Variants in TRABD2B observed in about 807,000 individuals in gnomAD.
TRABD2B encodes the protein TraB domain containing 2B, also known as metalloprotease TIKI2.
Under a neutral mutation model 40.1 loss-of-function variants are expected in TRABD2B, and 14 were observed. The ratio of observed to expected loss-of-function variants is 0.35; its 90% CI spans 0.23 to 0.55. The LOEUF is 0.55. Ranked by LOEUF, TRABD2B falls within the 20% of genes least tolerant of loss-of-function variation. The probability of loss-of-function intolerance (pLI) is 0.90; values close to 1 mark genes in which losing one functional copy is unlikely to be tolerated. For missense variants in TRABD2B, 541 were observed against 648.6 expected (o/e 0.83, Z 1.80); for synonymous variants, 263 against 277.0 (o/e 0.95, Z 0.50).
chr1:47,994,568 C>G lies in TRABD2B; in HGVS notation c.132G>C (p.Thr44=). 1 of 1,535,814 alleles carries G rather than the reference C, an allele frequency of 6.5e-7. No individual in the cohort carries two copies. ...SQRDLNSFLW[T]IRRDPPAYLF... is the part of the protein sequence containing the mutation. ...GGTAGGCCGGAGGATCACGCCGAAT[C>G]GTCCACAGGAAGGAGTTCAAGTCCC... The change falls in exon 2 of 7, where the codon ACG becomes ACC. Residue 44 remains threonine, a synonymous_variant. Transcript: ENST00000606738. This position sits in a 1 kb window ranked among gnomAD's most constrained non-coding sequence, Gnocchi z 6.7.
intron 2 of TRABD2B, among the ~76,000 whole-genome samples, chr1:47,852,623 C>T (rs1643826560): frequency 6.6e-6 from 1 of 152,180 alleles, no homozygotes; most frequent in South Asian, 2.1e-4. Flanking sequence ...GCTGTGATTG[C>T]CCGAGCTCCC....
At position 47,835,872 on chromosome 1, in the gene TRABD2B, A is replaced by G. The variant is rs147771068; in HGVS notation, c.667-34253T>C. ...AACTATGTAGGTAAGTATAAAAGACAGTACAAATGAAAAATGAATTTTGAA... is the reference window on the plus strand; with the variant it reads ...AACTATGTAGGTAAGTATAAAAGACGGTACAAATGAAAAATGAATTTTGAA... On this transcript the variant is annotated intron_variant, in intron 2 of 6. Coordinates refer to ENST00000606738, the MANE Select transcript of TRABD2B (RefSeq NM_001194986.2). Among the ~76,000 whole-genome samples the G allele has an allele frequency of 2.1e-3, 324 of 152,330 alleles. 1 individual carries two copies. Among genetic ancestry groups the G allele is most frequent in the African/African-American group, 7.5e-3 (311 of 41,576 alleles).
rs3035710 is a variant in TRABD2B at position 47,834,579 on chromosome 1, G to GCACA, written c.667-32964_667-32961dup. Among the ~76,000 whole-genome samples the GCACA allele has an allele frequency of 8.7e-4, 130 of 148,928 alleles. 1 individual carries two copies. The highest frequency in any genetic ancestry group is 3.0e-3 in the African/African-American group (122 of 40,622). On this transcript the variant is annotated intron_variant, in intron 2 of 6. Transcript: ENST00000606738. ...TGTGCTCCAACACACACACACACGC[G>GCACA]CACACACACACACACACACACACAG...
rs139560861 is a variant in TRABD2B, at chr1:47,773,656, A to G, written c.1349+1514T>C. Among the ~76,000 whole-genome samples the G allele has an allele frequency of 9.9e-5, 15 of 152,164 alleles. No homozygotes were observed. The East Asian group carries it at 1.5e-3, about 16-fold the overall frequency. On this transcript the variant is annotated intron_variant, in intron 6 of 6. Transcript: ENST00000606738. ...TTGCTCCTCCTTGCCTTCTTTCATG[A>G]TTGTGAGGCTTCCTCAGCCATGTGG...
chr1:47,973,276 G>A (rs1645707227), intron 2 of TRABD2B, among the ~76,000 whole-genome samples: 1 of 152,204 alleles, frequency 6.6e-6, no homozygotes, highest in Non-Finnish European at 1.5e-5. Context: ...GGCAACTGGT[G>A]TGCACTTTAC....
intron 2 of TRABD2B, among the ~76,000 whole-genome samples, chr1:47,831,073 G>GT (rs4031117): frequency 6.6e-6 from 1 of 152,036 alleles, no homozygotes; most frequent in Non-Finnish European, 1.5e-5. Context: ...GTCCTTGGTT[G>GT]CCACGTGTCC....
intron 2 of TRABD2B, among the ~76,000 whole-genome samples, chr1:47,980,033 C>T (rs1645818235): frequency 6.6e-6 from 1 of 152,100 alleles, no homozygotes; most frequent in Admixed American, 6.5e-5. Flanking sequence ...GGGTCAGTGG[C>T]CCCCCAGTGC....
intron 2 of TRABD2B, among the ~76,000 whole-genome samples, chr1:47,872,494 C>T (rs1283741899): frequency 1.3e-5 from 2 of 152,154 alleles, no homozygotes; most frequent in South Asian, 4.1e-4. Context: ...AGCCTGGGGT[C>T]CCAACTCCCA....
chr1:47,816,360 C>G (rs1001060671), intron 2 of TRABD2B, among the ~76,000 whole-genome samples: 1 of 152,158 alleles, frequency 6.6e-6, no homozygotes, highest in South Asian at 2.1e-4. Context: ...CTGGGAATAA[C>G]CATGAACTTC....
chr1:47,914,411 C>T (rs985051641), intron 2 of TRABD2B, among the ~76,000 whole-genome samples: 1 of 152,234 alleles, frequency 6.6e-6, no homozygotes, highest in Non-Finnish European at 1.5e-5. Context: ...GGACAGATTC[C>T]GCGGTGCCCG....
At chr1:47,797,646 G>A (rs1426926925) in intron 3 of TRABD2B, among the ~76,000 whole-genome samples, 2 of 152,066 alleles carry the variant, frequency 1.3e-5, no homozygotes, top group African/African-American at 4.8e-5. Context: ...TCCAGGGGCT[G>A]GCCAGCCGCT....
intron 4 of TRABD2B, among the ~76,000 whole-genome samples, chr1:47,790,907 T>C (rs1644662543): frequency 6.6e-6 from 1 of 152,200 alleles, no homozygotes; most frequent in Admixed American, 6.5e-5. Flanking sequence ...ATGAGGCAGA[T>C]GTATTGTCCC....
chr1:47,915,452 CATGTGTAT>C (rs1644818307), intron 2 of TRABD2B, among the ~76,000 whole-genome samples: 2 of 152,330 alleles, frequency 1.3e-5, no homozygotes, highest in South Asian at 4.1e-4. Flanking sequence ...TTACCATTTG[CATGTGTAT>C]ACGCTGCCTG....
chr1:47,932,252 G>A (rs1645049085), intron 2 of TRABD2B, among the ~76,000 whole-genome samples: 1 of 152,158 alleles, frequency 6.6e-6, no homozygotes, highest in Non-Finnish European at 1.5e-5. Flanking sequence ...ATGCCAACAT[G>A]GATTCAAGGC....
intron 2 of TRABD2B, among the ~76,000 whole-genome samples, chr1:47,859,324 C>T (rs975125486): frequency 3.5e-4 from 53 of 152,178 alleles, no homozygotes; most frequent in Middle Eastern, 3.2e-3. Flanking sequence ...GGCTGGGAAA[C>T]GGATAGGGCT....
chr1:47,896,337 G>A (rs756125815), intron 2 of TRABD2B, among the ~76,000 whole-genome samples: 14 of 152,142 alleles, frequency 9.2e-5, no homozygotes, highest in Non-Finnish European at 1.5e-4. Context: ...GGGAGGCAGG[G>A]ATGGGGCTGT....
intron 2 of TRABD2B, among the ~76,000 whole-genome samples, chr1:47,808,814 C>T (rs915672262): frequency 1.3e-4 from 20 of 152,124 alleles, no homozygotes; most frequent in Admixed American, 1.2e-3. Context: ...GCCACCTCCA[C>T]CCAACCAGCT....
chr1:47,872,226 T>C (rs1049055150), intron 2 of TRABD2B, among the ~76,000 whole-genome samples: 3 of 152,188 alleles, frequency 2.0e-5, no homozygotes, highest in African/African-American at 7.2e-5. Context: ...CCAGTCCCTC[T>C]GGACCTGTGT....
At chr1:47,967,858 T>A (rs1471452355) in intron 2 of TRABD2B, among the ~76,000 whole-genome samples, 1 of 152,258 alleles carries the variant, frequency 6.6e-6, no homozygotes, top group Admixed American at 6.5e-5. Flanking sequence ...AAACTTTTCA[T>A]CCAACATGGT....
Sources: gnomAD v4.1 joint callset for allele counts (sites outside exome capture counted in the v4.1 genomes callset) on GRCh38, gnomAD v4.1.1 for gene constraint, Gnocchi (gnomAD v3.1) non-coding constraint, MANE v1.5 for transcripts, NCBI Gene and HGNC (gene_info 2026-07-23, HGNC 2026-07-21) for gene names.